The following TBCK variants were observed in gnomAD, a reference collection of about 807,000 sequenced individuals.
TBCK encodes TBC1 domain containing kinase, also known as TBC domain-containing protein kinase-like protein.
TBCK carries 99 observed loss-of-function variants against 113.4 expected under a neutral mutation model. That is an observed-to-expected ratio of 0.87 (90% CI 0.74 to 1.03). The LOEUF (loss-of-function observed/expected upper bound fraction) is 1.03. Among genes scored for constraint, TBCK ranks in the 50% least tolerant of loss-of-function variants. TBCK has a pLI of 0.00. For missense variants in TBCK, 1,045 were observed against 1,061.3 expected (o/e 0.98, Z 0.21); for synonymous variants, 369 against 370.8 (o/e 1.00, Z 0.05).
chr4:106,298,697 C>T (rs1339887314), intron 2 of TBCK, among the ~76,000 whole-genome samples: 5 of 151,974 alleles, frequency 3.3e-5, no homozygotes, highest in African/African-American at 4.8e-5. Context: ...GAAAAAAAAC[C>T]AGTTGTTAAG....
intron 20 of TBCK, among the ~76,000 whole-genome samples, chr4:106,203,191 C>T (rs1302065943): frequency 2.0e-5 from 3 of 151,360 alleles, no homozygotes; most frequent in Non-Finnish European, 4.4e-5. Context: ...ATTTGAAATA[C>T]GGAATCAGTA....
At chr4:106,059,635 CAAAAATATT>C (rs891761871) in intron 25 of TBCK, among the ~76,000 whole-genome samples, 55 of 151,422 alleles carry the variant, frequency 3.6e-4, no homozygotes, top group African/African-American at 1.3e-3. Context: ...TCCTGAGACA[CAAAAATATT>C]AAAAATATTA....
At chr4:106,064,837 CTG>C (rs1553922085) in intron 25 of TBCK, among the ~76,000 whole-genome samples, 1 of 151,952 alleles carries the variant, frequency 6.6e-6, no homozygotes, top group Non-Finnish European at 1.5e-5. Context: ...AGACCCATCA[CTG>C]TCTCTAGAGT....
intron 3 of TBCK, among the ~76,000 whole-genome samples, chr4:106,285,086 GAACT>G (rs1764984491): frequency 6.6e-6 from 1 of 152,062 alleles, no homozygotes; most frequent in South Asian, 2.1e-4. Flanking sequence ...TGGCAAGATT[GAACT>G]ATGGCACAGA....
At chr4:106,285,720 A>G (rs1765047939) in intron 3 of TBCK, among the ~76,000 whole-genome samples, 1 of 152,202 alleles carries the variant, frequency 6.6e-6, no homozygotes, top group Non-Finnish European at 1.5e-5. Context: ...AGTTATAGAC[A>G]AAGGAACAAG....
chr4:106,314,242 T>C (rs1768510160), intron 1 of TBCK, among the ~76,000 whole-genome samples: 2 of 152,202 alleles, frequency 1.3e-5, no homozygotes, highest in Non-Finnish European at 2.9e-5. Flanking sequence ...TCACTACTTT[T>C]CTCGTTTTAC....
intron 22 of TBCK, among the ~76,000 whole-genome samples, chr4:106,179,637 A>T (rs1015852304): frequency 6.6e-6 from 1 of 152,016 alleles, no homozygotes; most frequent in Non-Finnish European, 1.5e-5. Context: ...ATTTTTGAAA[A>T]TTTAAGACTT....
chr4:106,205,657 T>C (rs1342882746), intron 20 of TBCK, among the ~76,000 whole-genome samples: 3 of 147,786 alleles, frequency 2.0e-5, no homozygotes, highest in Non-Finnish European at 4.5e-5. Flanking sequence ...TCCCAGTTAC[T>C]TGGGAGGCTG....
At position 106,274,269 on chromosome 4, in the gene TBCK, G is replaced by T. The variant is rs553112424; in HGVS notation, c.267-12057C>A. Among the ~76,000 whole-genome samples the T allele has an allele frequency of 2.0e-5, 3 of 152,276 alleles. No individual in the cohort carries two copies. In the South Asian group the frequency reaches 6.2e-4, roughly 32 times the overall value. ...TTGCTAGTGGGATAGTAAGTGGTAG[G>T]GCTATCTTTGGAAATGGCTTGTCAA... On this transcript the variant is annotated intron_variant, in intron 3 of 25. Transcript: ENST00000394708.
At chr4:106,056,419 GT>G (rs1735407137) in intron 25 of TBCK, among the ~76,000 whole-genome samples, 1 of 150,048 alleles carries the variant, frequency 6.7e-6, no homozygotes, top group South Asian at 2.2e-4. Context: ...TCTTATATCT[GT>G]CTCTAAGTAT....
chr4:106,201,364 C>T (rs1243700323), intron 20 of TBCK, among the ~76,000 whole-genome samples: 2 of 151,774 alleles, frequency 1.3e-5, no homozygotes, highest in African/African-American at 4.8e-5. Flanking sequence ...CATCAAGATA[C>T]AATAATTTTG....
intron 24 of TBCK, among the ~76,000 whole-genome samples, chr4:106,100,319 G>A (rs2149528228): frequency 6.6e-6 from 1 of 152,218 alleles, no homozygotes; most frequent in Middle Eastern, 3.4e-3. Context: ...TGCCAAACCT[G>A]GAGTAACTAG....
At chr4:106,275,408 T>C (rs1763919766) in intron 3 of TBCK, among the ~76,000 whole-genome samples, 1 of 152,134 alleles carries the variant, frequency 6.6e-6, no homozygotes, top group Non-Finnish European at 1.5e-5. Context: ...TTCAGCATTG[T>C]AGTGGAGGTC....
intron 20 of TBCK, among the ~76,000 whole-genome samples, chr4:106,200,587 C>G (rs1754770423): frequency 6.6e-6 from 1 of 152,056 alleles, no homozygotes; most frequent in Non-Finnish European, 1.5e-5. Flanking sequence ...GAGCACATAA[C>G]ATCCATACCT....
chr4:106,190,545 C>A (rs1352396960), intron 22 of TBCK, among the ~76,000 whole-genome samples: 2 of 152,140 alleles, frequency 1.3e-5, no homozygotes, highest in Admixed American at 1.3e-4. Flanking sequence ...TACACTATAT[C>A]TCTGACTAAA....
intron 23 of TBCK, among the ~76,000 whole-genome samples, chr4:106,118,208 G>A (rs1743791462): frequency 6.6e-6 from 1 of 151,864 alleles, no homozygotes; most frequent in Non-Finnish European, 1.5e-5. Context: ...GAATTTGTAG[G>A]TAACAAAAAA....
chr4:106,214,868 C>G (rs2149904323), intron 19 of TBCK, among the ~76,000 whole-genome samples: 2 of 152,100 alleles, frequency 1.3e-5, no homozygotes, highest in African/African-American at 2.4e-5. Context: ...CAGAGAATGC[C>G]ACAAAGATAC....
At chr4:106,252,056 G>C in intron 5 of TBCK, 49 bp from the exon 6 acceptor site, 4 of 1,457,602 alleles carry the variant, frequency 2.7e-6, no homozygotes, top group Non-Finnish European at 3.7e-6. Context: ...GGAAAGAAGC[G>C]ATAGTACATT....
In TBCK at chr4:106,102,713, A is replaced by G. The variant is rs188082889; in HGVS notation, c.2412-7072T>C. On this transcript the variant is annotated intron_variant, in intron 24 of 25. Coordinates refer to ENST00000394708, the MANE Select transcript of TBCK (RefSeq NM_001163435.3). ...TGTTAGGCAAAGACTTCCCATTTAAATGATGTATAAAAGCAAAACAGAAGA... is the reference window on the plus strand; with the variant it reads ...TGTTAGGCAAAGACTTCCCATTTAAGTGATGTATAAAAGCAAAACAGAAGA... Among the ~76,000 whole-genome samples the G allele has an allele frequency of 1.5e-3, 233 of 152,312 alleles. 1 individual carries two copies. The highest frequency in any genetic ancestry group is 5.5e-3 in the African/African-American group (227 of 41,580).
Sources: gnomAD v4.1 joint callset for allele counts (sites outside exome capture counted in the v4.1 genomes callset) on GRCh38, gnomAD v4.1.1 for gene constraint, MANE v1.5 for transcripts, NCBI Gene and HGNC (gene_info 2026-07-23, HGNC 2026-07-21) for gene names.